The following ULK4 variants were observed in gnomAD, a reference collection of about 807,000 sequenced individuals.
ULK4 encodes inactive serine/threonine-protein kinase ULK4.
ULK4 carries 133 observed loss-of-function variants against 160.6 expected under a neutral mutation model. The observed-to-expected ratio is 0.83, with a 90% CI of 0.72 to 0.96. The LOEUF (loss-of-function observed/expected upper bound fraction) is 0.96, where lower values mean the gene tolerates loss of function less well. ULK4 is among the 40% of genes least tolerant of loss of function. The pLI, the probability that ULK4 is intolerant of heterozygous loss-of-function variation, is 0.00. For synonymous variants in ULK4, 534 were observed against 539.8 expected (o/e 0.99, Z 0.15); for missense variants, 1,580 against 1,499.5 (o/e 1.05, Z -0.89).
chr3:41,485,007 T>C (rs1267205458), intron 32 of ULK4, among the ~76,000 whole-genome samples: 8 of 152,208 alleles, frequency 5.3e-5, no homozygotes, highest in Admixed American at 2.6e-4. Flanking sequence ...AATAACCTAA[T>C]GTAAAGAAAA....
chr3:41,504,188 G>A (rs1367067901), intron 32 of ULK4, among the ~76,000 whole-genome samples: 2 of 152,020 alleles, frequency 1.3e-5, no homozygotes, highest in African/African-American at 4.8e-5. Context: ...AAAAAGAGAG[G>A]ACTTCCCCAA....
intron 32 of ULK4, 110 bp from the exon 33 acceptor site, chr3:41,463,363 T>C: frequency 9.6e-7 from 1 of 1,039,840 alleles, no homozygotes; most frequent in South Asian, 1.8e-5. Context: ...CCCTAAGCAA[T>C]ACTTAAACTA....
At chr3:41,933,906 C>T (rs552400668) in intron 4 of ULK4, among the ~76,000 whole-genome samples, 38 of 152,020 alleles carry the variant, frequency 2.5e-4, no homozygotes, top group African/African-American at 8.7e-4. Context: ...AAAAATTTGC[C>T]ACACACCTGT....
chr3:41,882,383 T>C, intron 17 of ULK4: 1 of 664,132 alleles, frequency 1.5e-6, no homozygotes, highest in South Asian at 1.6e-5. Flanking sequence ...AGGGTGGTCG[T>C]AGTATTCTTT....
In ULK4 at chr3:41,907,931, T is replaced by A. The variant is rs188122339; in HGVS notation, c.1096A>T (p.Thr366Ser). The A allele has an allele frequency of 6.8e-5, 109 of 1,603,860 alleles. No individual in the cohort carries two copies. In the African/African-American group the frequency reaches 1.3e-3, roughly 20 times the overall value. Reference protein sequence around the residue: ...ESMFLLSSRPTPRTSTAVEVS... With the variant: ...ESMFLLSSRPSPRTSTAVEVS... Reference sequence around the variant, plus strand: ...TCCACTGCAGTGCTAGTTCTGGGAGTAGGACGAGAACTGAAAAATACAAAC... The same window carrying A: ...TCCACTGCAGTGCTAGTTCTGGGAGAAGGACGAGAACTGAAAAATACAAAC... The change falls in exon 12 of 37, where the codon ACT becomes TCT. Residue 366 changes from threonine to serine, a missense_variant. Physicochemically the swap from Thr to Ser is moderately conservative, Grantham distance 58. Coordinates refer to ENST00000301831, the MANE Select transcript of ULK4 (RefSeq NM_017886.4).
intron 5 of ULK4, among the ~76,000 whole-genome samples, chr3:41,925,544 G>A (rs1033495430): frequency 3.3e-5 from 5 of 152,170 alleles, no homozygotes; most frequent in African/African-American, 1.2e-4. Context: ...TGGAAGGCCA[G>A]AGAGACAGGA....
intron 30 of ULK4, among the ~76,000 whole-genome samples, chr3:41,645,436 T>C (rs1012955499): frequency 1.3e-5 from 2 of 152,188 alleles, no homozygotes; most frequent in Non-Finnish European, 2.9e-5. Flanking sequence ...ATTTCTGCCT[T>C]TGTTTCGTTA....
intron 5 of ULK4, among the ~76,000 whole-genome samples, chr3:41,930,574 T>G (rs542633836): frequency 2.0e-5 from 3 of 152,108 alleles, no homozygotes; most frequent in African/African-American, 7.2e-5. Flanking sequence ...GGGAGAAAAT[T>G]TTTGCAATCT....
intron 35 of ULK4, among the ~76,000 whole-genome samples, chr3:41,373,462 A>G (rs184038899): frequency 1.3e-5 from 2 of 152,360 alleles, no homozygotes; most frequent in Non-Finnish European, 2.9e-5. Flanking sequence ...CAATCAAATT[A>G]GAAATCAGGG....
chr3:41,862,416 C>A (rs554252242), intron 17 of ULK4, among the ~76,000 whole-genome samples: 71 of 151,848 alleles, frequency 4.7e-4, no homozygotes, highest in African/African-American at 1.7e-3. Context: ...TTATAAAGTT[C>A]ATTGGTGAGG....
intron 12 of ULK4, among the ~76,000 whole-genome samples, chr3:41,904,774 T>A (rs1698494587): frequency 6.6e-6 from 1 of 152,190 alleles, no homozygotes; most frequent in African/African-American, 2.4e-5. Flanking sequence ...AAGCAATAAG[T>A]AGCATAAAAA....
intron 32 of ULK4, among the ~76,000 whole-genome samples, chr3:41,553,685 C>G (rs966536712): frequency 6.6e-5 from 10 of 151,914 alleles, no homozygotes; most frequent in Non-Finnish European, 1.5e-4. Context: ...AAGAAGACTG[C>G]TTTTTTGTGT....
In ULK4 at chr3:41,912,876, T is replaced by A; in HGVS notation, c.827A>T (p.Gln276Leu). The A allele has an allele frequency of 1.9e-6, 3 of 1,614,150 alleles. No individual in the cohort carries two copies. Among genetic ancestry groups the A allele is most frequent in the Non-Finnish European group, 2.5e-6 (3 of 1,180,016 alleles). ...QKRLTWTRLLQHSFWKKAFAG... is the reference protein window; with the variant it reads ...QKRLTWTRLLLHSFWKKAFAG... ...AAAAGCTTTCTTCCAAAATGAATGC[T>A]GCAGTAGCCTTGTCCAAGTCAATCT... is the stretch of plus-strand genomic sequence containing the variant. The change falls in exon 9 of 37, where the codon CAG (glutamine) becomes CTG (leucine). Residue 276 changes from glutamine to leucine, a missense_variant. Coordinates refer to ENST00000301831, the MANE Select transcript of ULK4 (RefSeq NM_017886.4).
intron 27 of ULK4, among the ~76,000 whole-genome samples, chr3:41,686,695 C>T (rs1319878034): frequency 1.3e-5 from 2 of 152,096 alleles, no homozygotes; most frequent in African/African-American, 2.4e-5. Context: ...AGGTCACACT[C>T]ACAGAGGAGG....
At chr3:41,932,899 C>T (rs1416541632) in intron 4 of ULK4, among the ~76,000 whole-genome samples, 2 of 152,116 alleles carry the variant, frequency 1.3e-5, no homozygotes, top group Non-Finnish European at 2.9e-5. Flanking sequence ...CAAAAATTAG[C>T]TGGGCATGGT....
intron 35 of ULK4, among the ~76,000 whole-genome samples, chr3:41,333,712 T>G (rs2080494555): frequency 6.6e-6 from 1 of 152,174 alleles, no homozygotes; most frequent in African/African-American, 2.4e-5. Context: ...ATGTAGGATA[T>G]ATAGACAGGG....
At chr3:41,881,018 T>A (rs775503166) in intron 17 of ULK4, among the ~76,000 whole-genome samples, 1 of 152,104 alleles carries the variant, frequency 6.6e-6, no homozygotes, top group Non-Finnish European at 1.5e-5. Context: ...AATAGAGAAT[T>A]TAGGATTCAT....
At chr3:41,559,280 T>G (rs1202589277) in intron 32 of ULK4, among the ~76,000 whole-genome samples, 1 of 109,734 alleles carries the variant, frequency 9.1e-6, no homozygotes, top group African/African-American at 2.9e-5. Context: ...CTATCATTGT[T>G]GGACATTTGG....
chr3:41,934,291 A>T (rs1356692127), intron 4 of ULK4, among the ~76,000 whole-genome samples: 1 of 152,222 alleles, frequency 6.6e-6, no homozygotes, highest in Non-Finnish European at 1.5e-5. Context: ...ATAATTTCAA[A>T]CAAGAACTAC....
Sources: gnomAD v4.1 joint callset for allele counts (sites outside exome capture counted in the v4.1 genomes callset) on GRCh38, gnomAD v4.1.1 for gene constraint, MANE v1.5 for transcripts, NCBI Gene and HGNC (gene_info 2026-07-23, HGNC 2026-07-21) for gene names.